RSRP1: variants seen among roughly 807,000 people sequenced by gnomAD.
RSRP1 encodes the protein arginine and serine rich protein 1.
A neutral mutation model predicts 33.0 loss-of-function variants in RSRP1; 37 were observed. The ratio of observed to expected loss-of-function variants is 1.12; its 90% CI spans 0.86 to 1.48. The LOEUF (loss-of-function observed/expected upper bound fraction) is 1.48, where lower values mean the gene tolerates loss of function less well. Among genes scored for constraint, RSRP1 ranks in the 40% most tolerant of loss-of-function variants. RSRP1 has a pLI of 0.00. For missense variants in RSRP1, 402 were observed against 385.3 expected, an observed-to-expected ratio of 1.04 and a Z score of -0.36; for synonymous variants, 167 against 158.7, an observed-to-expected ratio of 1.05 and a Z score of -0.40.
upstream of RSRP1, among the ~76,000 whole-genome samples, chr1:25,251,252 C>A (rs1639768704): frequency 6.6e-6 from 1 of 152,156 alleles, no homozygotes; most frequent in South Asian, 2.1e-4. Flanking sequence ...TCTGGTGAGA[C>A]TCCTCACCTA....
At chr1:25,312,077 C>T (rs1644180237) in intron 1 of RSRP1, among the ~76,000 whole-genome samples, 1 of 101,342 alleles carries the variant, frequency 9.9e-6, no homozygotes, top group African/African-American at 3.4e-5. Context: ...GGGCAGAACC[C>T]AGCAAAACCA....
At chr1:25,263,589 G>A (rs1243677741) in intron 1 of RSRP1, among the ~76,000 whole-genome samples, 3 of 151,772 alleles carry the variant, frequency 2.0e-5, no homozygotes, top group East Asian at 1.9e-4. Context: ...CCTCCCACTG[G>A]GTCCCTCCCA....
At chr1:25,302,322 G>T (rs1351011882) in intron 1 of RSRP1, among the ~76,000 whole-genome samples, 1 of 129,534 alleles carries the variant, frequency 7.7e-6, no homozygotes, top group East Asian at 2.0e-4. Context: ...GATGATGGGG[G>T]AAGGGGCTCC....
At chr1:25,264,474 C>T (rs1258137170) in intron 1 of RSRP1, among the ~76,000 whole-genome samples, 1 of 147,084 alleles carries the variant, frequency 6.8e-6, no homozygotes, top group Admixed American at 6.9e-5. Flanking sequence ...CTCTACCTTG[C>T]CTCCCGTCAG....
upstream of RSRP1, among the ~76,000 whole-genome samples, chr1:25,248,792 T>G (rs1046458157): frequency 6.6e-6 from 1 of 152,182 alleles, no homozygotes; most frequent in Non-Finnish European, 1.5e-5. Flanking sequence ...ACAGTGAAGA[T>G]ACAATGCCCA....
chr1:25,334,037 A>G (rs541499418), intron 1 of RSRP1, among the ~76,000 whole-genome samples: 1,649 of 127,368 alleles, frequency 0.013, 225 homozygotes, highest in African/African-American at 0.041. Context: ...CAATCACACC[A>G]TCCCAACAGT....
rs1452677231 is a variant in RSRP1, at chr1:25,243,609, C to T, written c.697G>A (p.Gly233Arg). ...PELSEKVTED[G>R]TRNPNEKPTQ... ...GGTTTTTCATTGGGATTTCGAGTTC[C>T]ATCTTCTGTTACCTTTTCCGACAGC... is the stretch of plus-strand genomic sequence containing the variant. Residue 233 changes from glycine (G) to arginine (R), a missense_variant, in exon 4 of 5, where the codon GGA becomes AGA. Gly to Arg is a moderately radical substitution (Grantham distance 125). Transcript: ENST00000243189. 6.2e-7 allele frequency: 1 copy of T among 1,613,682 alleles called. No individual in the cohort carries two copies.
At chr1:25,284,502 C>T in intron 1 of RSRP1, 3 of 1,289,578 alleles carry the variant, frequency 2.3e-6, no homozygotes, top group East Asian at 2.3e-5. Flanking sequence ...TTTAGTAAGA[C>T]TCTAATTTCA....
Position 25,242,560 on chromosome 1 carries a change from A to G in RSRP1, c.*29T>C. The G allele has an allele frequency of 2.9e-6, 4 of 1,391,264 alleles. No individual in the cohort carries two copies. The highest frequency in any genetic ancestry group is 1.8e-4 in the Middle Eastern group (1 of 5,570). 86.2% of individuals were successfully genotyped at this position (1,391,264 alleles called of 1,614,324 possible). A position where few individuals can be genotyped will look rare whatever the true frequency, so the allele number is the denominator to read the frequency against. On this transcript the variant is annotated 3_prime_UTR_variant, in exon 5 of 5. Coordinates refer to ENST00000243189, the MANE Select transcript of RSRP1 (RefSeq NM_020317.5). ...TAACTTGCAATAAAGTGCAGTTTTC[A>G]TGCAAACTTAGCCATCAGTTTTCTT...
At chr1:25,315,236 T>A (rs1309606465) in intron 1 of RSRP1, among the ~76,000 whole-genome samples, 1 of 130,142 alleles carries the variant, frequency 7.7e-6, no homozygotes, top group Non-Finnish European at 1.8e-5. Flanking sequence ...GATCAATGAA[T>A]TGAGTAATTG....
chr1:25,300,972 C>T (rs1445804515), intron 1 of RSRP1: 2 of 1,374,314 alleles, frequency 1.5e-6, no homozygotes, highest in Admixed American at 1.8e-5. Context: ...ACATGATGCA[C>T]ATCTACGTGT....
chr1:25,321,376 A>G (rs1229401032), intron 1 of RSRP1, among the ~76,000 whole-genome samples: 2 of 124,766 alleles, frequency 1.6e-5, no homozygotes, highest in Non-Finnish European at 3.8e-5. Context: ...TGTCTACAGA[A>G]TCGGCCAGGT....
rs973009500 is a variant in RSRP1 at position 25,252,553 on chromosome 1, G to C, written c.-66-5524C>G. Among the ~76,000 whole-genome samples the C allele has an allele frequency of 2.1e-5, 3 of 142,130 alleles. No homozygotes were observed. The Admixed American group carries it at 2.1e-4, about 10-fold the overall frequency. 93.2% of individuals were successfully genotyped at this position (142,130 alleles called of 152,430 possible). On this transcript the variant is annotated intron_variant, in intron 1 of 1. Coordinates refer to the RSRP1 transcript ENST00000561867. The stretch of plus-strand genomic sequence containing the variant: ...TGACCTTTTTTTTTTTTTTTTTTGA[G>C]ACGGAGTTTCACTCTTGTTGCCCAG...
At chr1:25,335,888 A>G (rs1645069200) in intron 1 of RSRP1, 1 of 56,938 alleles carries the variant, frequency 1.8e-5, no homozygotes, top group South Asian at 5.5e-4. Flanking sequence ...TCCACCTCCC[A>G]GGTTCAAACA....
rs569974439 is a variant in RSRP1 at position 25,301,053 on chromosome 1, A to T, written c.-67+36925T>A. 15 of 1,376,916 alleles carry T rather than the reference A, an allele frequency of 1.1e-5. 2 individuals carry two copies. The highest frequency in any genetic ancestry group is 1.9e-4 in the Middle Eastern group (1 of 5,398). 85.3% of individuals were successfully genotyped at this position (1,376,916 alleles called of 1,614,324 possible). A position where few individuals can be genotyped will look rare whatever the true frequency, so the allele number is the denominator to read the frequency against. ...CTCTACCCGAGGGAACGGAGGATAA[A>T]GATCAGACAGCAACGATACCCAGTT... On this transcript the variant is annotated intron_variant, in intron 1 of 1. Transcript: ENST00000561867.
chr1:25,284,029 C>G (rs1227696191), intron 1 of RSRP1, among the ~76,000 whole-genome samples: 2 of 134,958 alleles, frequency 1.5e-5, no homozygotes, highest in South Asian at 2.2e-4. Context: ...TCCCTCGCAG[C>G]AGGCGGCAAA....
chr1:25,242,686 A>G lies in RSRP1; in HGVS notation c.776T>C (p.Ile259Thr). 1.2e-6 allele frequency: 2 copies of G among 1,607,800 alleles called. No individual in the cohort carries two copies. Among genetic ancestry groups the G allele is most frequent in the Non-Finnish European group, 1.7e-6 (2 of 1,179,072 alleles). ...TGTGGCAGCTTTAGCTGATTTTTGT[A>G]TTGGCTTTGCTACAGAATTCTGTAA... Reference protein sequence around the residue: ...FSSNNSVAKPIQKSAKAATEE... With the variant: ...FSSNNSVAKPTQKSAKAATEE... Residue 259 changes from isoleucine to threonine, a missense_variant, in exon 5 of 5, where the codon ATA becomes ACA. By Grantham distance (89) the Ile-to-Thr change is moderately conservative. Transcript: ENST00000243189.
intron 1 of RSRP1, among the ~76,000 whole-genome samples, chr1:25,295,735 G>A (rs1206482853): frequency 9.2e-6 from 1 of 108,788 alleles, no homozygotes; most frequent in African/African-American, 3.0e-5. Flanking sequence ...ACCAAGAGGC[G>A]GCCGGGAGGC....
intron 3 of RSRP1, chr1:25,244,016 A>G: frequency 8.4e-7 from 1 of 1,190,024 alleles, no homozygotes; most frequent in South Asian, 1.6e-5. Flanking sequence ...TACTGAGCAA[A>G]CCCACATCTG....
Sources: allele counts gnomAD v4.1 joint callset (sites outside exome capture counted in the v4.1 genomes callset), GRCh38; gene constraint gnomAD v4.1.1; transcripts MANE v1.5; gene names NCBI Gene and HGNC (gene_info 2026-07-23, HGNC 2026-07-21).